Variants in TMTC3 observed in about 807,000 individuals in gnomAD.
The protein encoded by TMTC3 is transmembrane O-mannosyltransferase targeting cadherins 3, also known as protein O-mannosyl-transferase TMTC3.
TMTC3 carries 52 observed loss-of-function variants against 92.2 expected under a neutral mutation model. The ratio of observed to expected loss-of-function variants is 0.56; its 90% CI spans 0.45 to 0.71. The LOEUF is 0.71. Among genes scored for constraint, TMTC3 ranks in the 30% least tolerant of loss-of-function variants. The pLI is 0.00. For synonymous variants in TMTC3, 339 were observed against 363.3 expected, an observed-to-expected ratio of 0.93 and a Z score of 0.76; for missense variants, 896 against 1,057.1, an observed-to-expected ratio of 0.85 and a Z score of 2.11.
At chr12:88,183,708 T>C (rs543068829) in intron 10 of TMTC3, among the ~76,000 whole-genome samples, 1 of 152,294 alleles carries the variant, frequency 6.6e-6, no homozygotes, top group Non-Finnish European at 1.5e-5. Context: ...GATGTTAAGA[T>C]TTCTCCACAC....
At chr12:88,155,315 T>C (rs2040994046) in intron 4 of TMTC3, among the ~76,000 whole-genome samples, 1 of 152,200 alleles carries the variant, frequency 6.6e-6, no homozygotes. Context: ...TGCATAATAA[T>C]AGTCCCCTAC....
At position 88,198,163 on chromosome 12, in the gene TMTC3, A is replaced by G. The variant is rs1280779458; in HGVS notation, c.*2514A>G. The G allele has an allele frequency of 2.5e-6, 1 of 394,550 alleles. No homozygotes were observed. Among genetic ancestry groups the G allele is most frequent in the Non-Finnish European group, 4.5e-6 (1 of 223,682 alleles). The allele number at this position is 394,550 out of a possible 1,614,324, so 24.4% of individuals were successfully genotyped here. A position where few individuals can be genotyped will look rare whatever the true frequency, so the allele number is the denominator to read the frequency against. ...TTTCTTCTCTATAACTTCAAAATAG[A>G]TATTTCATTCAAACTGTTCAGGTGA... On this transcript the variant is annotated 3_prime_UTR_variant, in exon 14 of 14. Transcript: ENST00000266712.
Position 88,195,061 on chromosome 12 carries a change from A to C in TMTC3, c.2157A>C (p.Leu719Phe). The C allele has an allele frequency of 6.2e-7, 1 of 1,613,896 alleles. No homozygotes were observed. Among genetic ancestry groups the C allele is most frequent in the African/African-American group, 1.3e-5 (1 of 75,054 alleles). The change falls in exon 14 of 14, where the codon TTA becomes TTC. Residue 719 changes from leucine to phenylalanine, a missense_variant. By Grantham distance (22) the Leu-to-Phe change is conservative (BLOSUM62 0). Coordinates refer to ENST00000266712, the MANE Select transcript of TMTC3 (RefSeq NM_181783.4). ...ALLYSQTAKE[L>F]KALPILEELL... is the part of the protein sequence containing the mutation. ...TGTATTCCCAGACTGCAAAGGAATT[A>C]AAGGCTTTGCCAATTTTGGAGGAGT...
In TMTC3 at chr12:88,153,322, C is replaced by T. The variant is rs1166752957; in HGVS notation, c.221C>T (p.Thr74Ile). 1.2e-6 allele frequency: 2 copies of T among 1,612,918 alleles called. No individual in the cohort carries two copies. The highest frequency in any genetic ancestry group is 1.7e-5 in the Admixed American group (1 of 59,930). Residue 74 changes from threonine (T) to isoleucine (I), a missense_variant, in exon 3 of 14, where the codon ACA becomes ATA. Transcript: ENST00000266712. ...ERSHKSYRPL[T>I]VLTFRLNYLL... is the part of the protein sequence containing the mutation. ...AGCCACAAGTCTTACCGTCCCTTAA[C>T]AGTATTGACATTTCGCTTAAATTAT...
chr12:88,157,816 C>G (rs1473081119), intron 4 of TMTC3, among the ~76,000 whole-genome samples: 1 of 152,108 alleles, frequency 6.6e-6, no homozygotes, highest in Non-Finnish European at 1.5e-5. Context: ...CCACAGTGAT[C>G]TGATTGTAAA....
intron 4 of TMTC3, among the ~76,000 whole-genome samples, chr12:88,155,474 T>TA (rs1288528268): frequency 1.3e-5 from 2 of 152,184 alleles, no homozygotes; most frequent in African/African-American, 4.8e-5. Flanking sequence ...GGCTCTCAAT[T>TA]ACCTGTCTAA....
Position 88,166,407 on chromosome 12 carries a change from G to A in TMTC3, c.875G>A (p.Trp292Ter). The A allele has an allele frequency of 6.2e-7, 1 of 1,613,730 alleles. No homozygotes were observed. Among genetic ancestry groups the A allele is most frequent in the Admixed American group, 1.7e-5 (1 of 59,996 alleles). The change falls in exon 7 of 14, where the codon TGG (tryptophan) becomes TAG (stop). Residue 292 changes from tryptophan to a stop codon, truncating the protein, a stop_gained. Transcript: ENST00000266712. LOFTEE classifies it high-confidence loss of function. The stretch of plus-strand genomic sequence containing the variant: ...AACTACCTCCTTCCTGTGAATGCTT[G>A]GTTGTTATTAAATCCTTCAGAGCTC... ...TFNYLLPVNA[W>*]LLLNPSELCC...
rs538115589 is a variant in TMTC3, at chr12:88,150,811, C to G, written c.189+2307C>G. 2.0e-5 allele frequency among the ~76,000 whole-genome samples: 3 copies of G among 152,040 alleles called. No individual in the cohort carries two copies. In the South Asian group the frequency reaches 6.2e-4, roughly 32 times the overall value. On this transcript the variant is annotated intron_variant, in intron 2 of 13. Coordinates refer to ENST00000266712, the MANE Select transcript of TMTC3 (RefSeq NM_181783.4). ...AAGATACGTGTCCACACGTATCTTA[C>G]AAGAATTTTTGTACCAATGCAGGTC...
chr12:88,180,240 CT>C (rs1366419494), intron 10 of TMTC3, among the ~76,000 whole-genome samples: 1 of 152,128 alleles, frequency 6.6e-6, no homozygotes. Flanking sequence ...CAGTAATATT[CT>C]TTTCCAATTA....
chr12:88,198,202 A>AT lies in TMTC3; in HGVS notation c.*2566dup, dbSNP rs565399854. Reference sequence around the variant, plus strand: ...CTGTTCAGGTGAGAAAACATAATGGATTTTTTTTTTTTTCCTCTGGAGCTG... The same window carrying AT: ...CTGTTCAGGTGAGAAAACATAATGGATTTTTTTTTTTTTTCCTCTGGAGCTG... On this transcript the variant is annotated 3_prime_UTR_variant, in exon 14 of 14. Coordinates refer to ENST00000266712, the MANE Select transcript of TMTC3 (RefSeq NM_181783.4). 0.029 allele frequency: 9,463 copies of AT among 330,766 alleles called. 15 individuals carry two copies. The highest frequency in any genetic ancestry group is 0.05 in the Middle Eastern group (64 of 1,282). The allele number at this position is 330,766 out of a possible 1,614,324, so 20.5% of individuals were successfully genotyped here.
intron 1 of TMTC3, among the ~76,000 whole-genome samples, chr12:88,146,746 A>G (rs1006112186): frequency 4.0e-5 from 6 of 151,008 alleles, no homozygotes; most frequent in Non-Finnish European, 7.4e-5. Flanking sequence ...CAGTACTTAA[A>G]TAACTGATTA....
chr12:88,163,771 C>T (rs1045432868), intron 6 of TMTC3, among the ~76,000 whole-genome samples: 2 of 151,970 alleles, frequency 1.3e-5, no homozygotes, highest in African/African-American at 4.8e-5. Flanking sequence ...CTCATCTTAA[C>T]TAATATTGGC....
At chr12:88,188,075 A>G (rs2041399097) in intron 10 of TMTC3, among the ~76,000 whole-genome samples, 1 of 152,176 alleles carries the variant, frequency 6.6e-6, no homozygotes, top group East Asian at 1.9e-4. Context: ...AATTAACACA[A>G]CCTTTTAAAA....
chr12:88,152,333 A>G (rs953099958), intron 2 of TMTC3, among the ~76,000 whole-genome samples: 4 of 152,030 alleles, frequency 2.6e-5, no homozygotes, highest in Non-Finnish European at 4.4e-5. Context: ...CTTTTAAGCA[A>G]CCAGCTTTCA....
chr12:88,169,979 TG>T (rs2041187068), intron 7 of TMTC3, among the ~76,000 whole-genome samples: 1 of 151,500 alleles, frequency 6.6e-6, no homozygotes, highest in Non-Finnish European at 1.5e-5. Flanking sequence ...AGAAAGACTC[TG>T]GAGGTGACTG....
intron 3 of TMTC3, among the ~76,000 whole-genome samples, chr12:88,153,980 A>G (rs1480634209): frequency 6.6e-6 from 1 of 152,088 alleles, no homozygotes; most frequent in South Asian, 2.1e-4. Flanking sequence ...TACCATATTT[A>G]CGTGGTTACC....
intron 4 of TMTC3, among the ~76,000 whole-genome samples, chr12:88,156,466 A>C (rs2041010819): frequency 6.6e-6 from 1 of 152,238 alleles, no homozygotes; most frequent in Non-Finnish European, 1.5e-5. Flanking sequence ...TTAAGAGGCC[A>C]GTCCACCATC....
At chr12:88,142,701 A>G (rs192264092) in intron 1 of TMTC3, among the ~76,000 whole-genome samples, 2 of 152,334 alleles carry the variant, frequency 1.3e-5, no homozygotes, top group African/African-American at 4.8e-5. Flanking sequence ...TAGTATCAGA[A>G]TCTGTCTTGA....
At position 88,195,329 on chromosome 12, in the gene TMTC3, C is replaced by T. The variant is rs763428434; in HGVS notation, c.2425C>T (p.Arg809Cys). The change falls in exon 14 of 14, where the codon CGC (arginine) becomes TGC (cysteine). Residue 809 changes from arginine to cysteine, a missense_variant. Arg to Cys is a radical substitution (Grantham distance 180). Coordinates refer to ENST00000266712, the MANE Select transcript of TMTC3 (RefSeq NM_181783.4). ...ALAPHEEYIQ[R>C]HLNIVRDKIS... ...AGCACCACATGAAGAATATATTCAG[C>T]GCCATTTGAATATAGTCAGGGATAA... 11 of 1,613,584 alleles carry T rather than the reference C, an allele frequency of 6.8e-6. No homozygotes were observed. The highest frequency in any genetic ancestry group is 2.7e-5 in the African/African-American group (2 of 74,872).
Sources: allele counts gnomAD v4.1 joint callset (sites outside exome capture counted in the v4.1 genomes callset), GRCh38; gene constraint gnomAD v4.1.1; transcripts MANE v1.5; gene names NCBI Gene and HGNC (gene_info 2026-07-23, HGNC 2026-07-21).